The following CPZ variants were observed in gnomAD, a reference collection of about 807,000 sequenced individuals.
CPZ encodes the protein VEZT/CPZ fusion.
Under a neutral mutation model 61.8 loss-of-function variants are expected in CPZ, and 103 were observed. The ratio of observed to expected loss-of-function variants is 1.67; its 90% confidence interval spans 1.42 to 1.96. The LOEUF is 1.96. Among genes scored for constraint, CPZ ranks in the 30% most tolerant of loss-of-function variants. The pLI, the probability that CPZ is intolerant of heterozygous loss-of-function variation, is 0.00. For missense variants in CPZ, 1,461 were observed against 914.9 expected, an observed-to-expected ratio of 1.60 and a Z score of -7.70; for synonymous variants, 551 against 373.7, an observed-to-expected ratio of 1.47 and a Z score of -5.47.
intron 8 of CPZ, among the ~76,000 whole-genome samples, chr4:8,613,806 G>T (rs905342105): frequency 6.6e-6 from 1 of 152,238 alleles, no homozygotes; most frequent in African/African-American, 2.4e-5. Context: ...TGGGCCCGTG[G>T]TCTCCCTGGG....
At chr4:8,618,221 G>T in intron 9 of CPZ, 3 of 586,612 alleles carry the variant, frequency 5.1e-6, no homozygotes, top group South Asian at 2.0e-5. Flanking sequence ...ACGTGCTCGG[G>T]TCAATTGCCA....
chr4:8,593,464 C>T (rs1349528872), intron 1 of CPZ, among the ~76,000 whole-genome samples: 4 of 152,162 alleles, frequency 2.6e-5, no homozygotes, highest in Non-Finnish European at 5.9e-5. Context: ...ACGCAGGGAT[C>T]CTCTGGGAGG....
intron 8 of CPZ, among the ~76,000 whole-genome samples, chr4:8,613,282 C>T (rs571228417): frequency 9.8e-5 from 15 of 152,306 alleles, no homozygotes; most frequent in Admixed American, 3.9e-4. Context: ...CAGGCGCCCA[C>T]CACCACACCC....
chr4:8,594,014 C>T (rs531792387), intron 1 of CPZ, among the ~76,000 whole-genome samples: 1 of 152,144 alleles, frequency 6.6e-6, no homozygotes, highest in Non-Finnish European at 1.5e-5. Flanking sequence ...ACCACAGCCC[C>T]CTCCTCCAGG....
At chr4:8,609,055 C>CCTCACCCATTCACTCACGTA (rs1560297664) in intron 7 of CPZ, among the ~76,000 whole-genome samples, 4 of 40,206 alleles carry the variant, frequency 9.9e-5, no homozygotes, top group African/African-American at 3.9e-4. Context: ...TCCCTCCCTC[C>CCTCACCCATTCACTCACGTA]CTCACTCCCT....
chr4:8,614,459 G>T lies in CPZ; in HGVS notation c.1464G>T (p.Trp488Cys), dbSNP rs1271484893. The T allele has an allele frequency of 1.2e-6, 2 of 1,613,980 alleles. No homozygotes were observed. Among genetic ancestry groups the T allele is most frequent in the Middle Eastern group, 1.7e-4 (1 of 6,060 alleles). ...CCGAGGAGGCCCTGTACATACTCTG[G>T]CAGCACAACAAGGAGTCACTCCTGA... The part of the protein sequence containing the change: ...FPPEEALYIL[W>C]QHNKESLLNF... The change falls in exon 9 of 11, where the codon TGG becomes TGT. Residue 488 changes from tryptophan (W) to cysteine (C), a missense_variant. Physicochemically the swap from Trp to Cys is radical, Grantham distance 215. Transcript: ENST00000360986.
intron 3 of CPZ, chr4:8,603,675 A>G: frequency 4.3e-6 from 2 of 466,004 alleles, no homozygotes; most frequent in Non-Finnish European, 7.7e-6. Flanking sequence ...GACCCCATAT[A>G]TCTGTCTTCC....
chr4:8,612,154 T>A lies in CPZ; in HGVS notation c.1355T>A (p.Phe452Tyr). 1.5e-6 allele frequency: 2 copies of A among 1,349,390 alleles called. No individual in the cohort carries two copies. Among genetic ancestry groups the A allele is most frequent in the East Asian group, 3.5e-5 (1 of 28,880 alleles). 83.6% of individuals were successfully genotyped at this position (1,349,390 alleles called of 1,614,324 possible). A position where few individuals can be genotyped will look rare whatever the true frequency, so the allele number is the denominator to read the frequency against. The change falls in exon 8 of 11, where the codon TTC becomes TAC. Residue 452 changes from phenylalanine (F) to tyrosine (Y), a missense_variant. By Grantham distance (22) the Phe-to-Tyr change is conservative. Coordinates refer to ENST00000360986, the MANE Select transcript of CPZ (RefSeq NM_001014447.3). ...ATCAACGGGGCGGACTGGTACAGCT[T>A]CACGGGAGGTGCGGCTTCCGCAGGG... is the stretch of plus-strand genomic sequence containing the variant. The part of the protein sequence containing the change: ...SIINGADWYS[F>Y]TGGMSDFNYL...
chr4:8,606,950 C>T (rs931111083), intron 6 of CPZ, 52 bp downstream of exon 6: 5 of 1,531,568 alleles, frequency 3.3e-6, no homozygotes, highest in East Asian at 2.5e-5. Context: ...CCAGGGGTCC[C>T]TAGTTATTCC....
rs145418825 is a variant in CPZ, at chr4:8,612,085, C to A, written c.1286C>A (p.Ser429Ter). Residue 429 changes from serine (S) to a stop codon, truncating the protein, a stop_gained, in exon 8 of 11, where the codon TCG becomes TAG. Transcript: ENST00000360986. LOFTEE classifies it high-confidence loss of function. ...GTCCACCCCATGATGATGGACAGGT[C>A]GGAGAATAGGTGTGGAGGCAATTTC... ...ADVHPMMMDR[S>*]ENRCGGNFLK... The A allele has an allele frequency of 9.3e-6, 15 of 1,612,974 alleles. No individual in the cohort carries two copies. The South Asian group carries it at 1.5e-4, about 17-fold the overall frequency.
intron 3 of CPZ, chr4:8,603,667 C>T (rs1314554885): frequency 9.0e-6 from 4 of 442,022 alleles, no homozygotes; most frequent in African/African-American, 2.0e-5. Flanking sequence ...GGGTCCAGGA[C>T]CCCATATATC....
chr4:8,607,546 C>T (rs922859984), intron 7 of CPZ, 121 bp downstream of exon 7: 195 of 1,152,382 alleles, frequency 1.7e-4, no homozygotes, highest in Non-Finnish European at 2.1e-4. Context: ...CTACTCAGAG[C>T]GGGTCAGCAC....
rs1371262514 is a variant in CPZ, at chr4:8,611,938, G to A, written c.1228-89G>A. 3.2e-6 allele frequency: 5 copies of A among 1,581,350 alleles called. No individual in the cohort carries two copies. The Admixed American group carries it at 5.2e-5, about 16-fold the overall frequency. Reference sequence around the variant, plus strand: ...TCTCCTATCTGCAATGCAGGTGTTTGCACGCGCAGCTCCTCCCCTCATTGA... The same window carrying A: ...TCTCCTATCTGCAATGCAGGTGTTTACACGCGCAGCTCCTCCCCTCATTGA... On this transcript the variant is annotated intron_variant, in intron 7 of 10. Transcript: ENST00000360986.
chr4:8,603,572 A>C, intron 3 of CPZ: 1 of 212,508 alleles, frequency 4.7e-6, no homozygotes, highest in Non-Finnish European at 9.3e-6. Context: ...AATGAAGCAG[A>C]ATACTGAACT....
At chr4:8,600,145 T>C (rs1714464845) in intron 2 of CPZ, among the ~76,000 whole-genome samples, 1 of 152,176 alleles carries the variant, frequency 6.6e-6, no homozygotes, top group Non-Finnish European at 1.5e-5. Context: ...TTTTATTTAT[T>C]TATTTTTATT....
In CPZ at chr4:8,607,473, G is replaced by A. The variant is rs143773271; in HGVS notation, c.1227+48G>A. 356 of 1,592,580 alleles carry A rather than the reference G, an allele frequency of 2.2e-4. No individual in the cohort carries two copies. The African/African-American group carries it at 3.4e-3, about 15-fold the overall frequency. On this transcript the variant is annotated intron_variant, in intron 7 of 10. Transcript: ENST00000360986. ...GCAGGGGAGGGAGACAGTGTGCGCGGTCCCCTTGGAGCTGGTGCCCCTCCA... is the reference window on the plus strand; with the variant it reads ...GCAGGGGAGGGAGACAGTGTGCGCGATCCCCTTGGAGCTGGTGCCCCTCCA...
rs1246793023 is a variant in CPZ at position 8,618,533 on chromosome 4, G to A, written c.1603+5G>A. ...TTCGCCACGACATCACCACAGGTGA[G>A]CACGTCCCTGGCTGTCCCCTGGGGA... On this transcript the variant is annotated splice_donor_5th_base_variant and intron_variant, in intron 10 of 10. Transcript: ENST00000360986. 1.2e-6 allele frequency: 2 copies of A among 1,612,548 alleles called. No homozygotes were observed. The highest frequency in any genetic ancestry group is 1.6e-4 in the Middle Eastern group (1 of 6,062).
intron 10 of CPZ, 67 bp downstream of exon 10, chr4:8,618,595 G>T: frequency 7.2e-7 from 1 of 1,394,190 alleles, no homozygotes; most frequent in Non-Finnish European, 1.0e-6. Flanking sequence ...CGTGGCAGCC[G>T]GCACCCTCAG....
At chr4:8,611,195 G>C (rs542558003) in intron 7 of CPZ, 5 of 455,592 alleles carry the variant, frequency 1.1e-5, no homozygotes, top group African/African-American at 4.0e-5. Flanking sequence ...GACCTGTCCT[G>C]CTTGGTGGGG....
Sources: gnomAD v4.1 joint callset for allele counts (sites outside exome capture counted in the v4.1 genomes callset) on GRCh38, gnomAD v4.1.1 for gene constraint, MANE v1.5 for transcripts, NCBI Gene and HGNC (gene_info 2026-07-23, HGNC 2026-07-21) for gene names.